Variants in ARB2A observed in about 807,000 individuals in gnomAD.
ARB2A encodes the protein cotranscriptional regulator ARB2A.
the ARB2A span, among the ~76,000 whole-genome samples, chr5:93,873,219 G>A: frequency 1.3e-5 from 2 of 150,816 alleles, no homozygotes; most frequent in Non-Finnish European, 2.9e-5. Flanking sequence ...TTGAGGCCAG[G>A]AGTTCTACAC....
chr5:93,744,445 A>T, the ARB2A span, among the ~76,000 whole-genome samples: 1 of 149,506 alleles, frequency 6.7e-6, no homozygotes, highest in African/African-American at 2.5e-5. Flanking sequence ...AAAAAAAAAA[A>T]AAAAAAAAAA....
the ARB2A span, among the ~76,000 whole-genome samples, chr5:93,956,966 C>T: frequency 7.0e-4 from 107 of 152,158 alleles, 1 homozygote; most frequent in Non-Finnish European, 1.2e-3. Flanking sequence ...AAAATTTTTA[C>T]GTGTGCTGCA....
At chr5:93,748,980 T>C in the ARB2A span, among the ~76,000 whole-genome samples, 2 of 152,158 alleles carry the variant, frequency 1.3e-5, no homozygotes, top group Non-Finnish European at 2.9e-5. Flanking sequence ...CTTTCAACAT[T>C]TTATCCTTTG....
At chr5:94,095,338 T>C in the ARB2A span, among the ~76,000 whole-genome samples, 1 of 152,318 alleles carries the variant, frequency 6.6e-6, no homozygotes, top group Admixed American at 6.5e-5. Context: ...GGCAAGATTA[T>C]GTTTTTTACT....
the ARB2A span, chr5:93,881,672 A>G: frequency 2.6e-6 from 4 of 1,568,084 alleles, no homozygotes; most frequent in Non-Finnish European, 3.5e-6. Context: ...ATTTAGTACT[A>G]TTACTCCATA....
chr5:93,871,508 T>C, the ARB2A span, among the ~76,000 whole-genome samples: 1 of 152,188 alleles, frequency 6.6e-6, no homozygotes, highest in Non-Finnish European at 1.5e-5. Flanking sequence ...GCTATTAAAA[T>C]AGACCTTTCT....
the ARB2A span, among the ~76,000 whole-genome samples, chr5:93,977,971 A>G: frequency 6.6e-6 from 1 of 152,148 alleles, no homozygotes; most frequent in Non-Finnish European, 1.5e-5. Context: ...ACGTTTGAAC[A>G]GTTCTCAAAA....
chr5:93,990,620 TAAAAAAAAAAAAA>T, the ARB2A span, among the ~76,000 whole-genome samples: 4 of 75,250 alleles, frequency 5.3e-5, no homozygotes, highest in Non-Finnish European at 6.9e-5. Flanking sequence ...CTACCATGAG[TAAAAAAAAAAAAA>T]AAAAAAAAAA....
the ARB2A span, among the ~76,000 whole-genome samples, chr5:93,990,933 A>G: frequency 2.6e-5 from 4 of 152,126 alleles, no homozygotes; most frequent in Non-Finnish European, 5.9e-5. Context: ...TGCTACATTG[A>G]GAAGAGTCAG....
At chr5:93,738,022 G>A in the ARB2A span, 11 of 391,948 alleles carry the variant, frequency 2.8e-5, no homozygotes, top group Non-Finnish European at 5.0e-5. Flanking sequence ...AGTCAAAAGA[G>A]TAAAAGGACA....
the ARB2A span, among the ~76,000 whole-genome samples, chr5:93,654,488 G>A: frequency 4.6e-5 from 7 of 152,116 alleles, no homozygotes; most frequent in Admixed American, 4.6e-4. Context: ...ACTTCAGAAT[G>A]CCTAGTTGTG....
chr5:93,992,913 CA>C, the ARB2A span, among the ~76,000 whole-genome samples: 2 of 151,800 alleles, frequency 1.3e-5, no homozygotes, highest in South Asian at 2.1e-4. Flanking sequence ...CAAGACATTT[CA>C]AAAATAGATT....
the ARB2A span, among the ~76,000 whole-genome samples, chr5:93,646,744 G>A: frequency 6.6e-6 from 1 of 151,726 alleles, no homozygotes; most frequent in African/African-American, 2.4e-5. Context: ...TGATTCGAAT[G>A]TTTCAGACTG....
chr5:93,990,691 G>A, the ARB2A span, among the ~76,000 whole-genome samples: 3 of 144,164 alleles, frequency 2.1e-5, no homozygotes, highest in African/African-American at 7.7e-5. Flanking sequence ...AGTCATAATA[G>A]AGTTACTAGT....
the ARB2A span, chr5:93,736,824 T>C: frequency 6.6e-6 from 1 of 152,164 alleles, no homozygotes; most frequent in Non-Finnish European, 1.5e-5. Context: ...AGAGTACGTA[T>C]GAAAAAGCCA....
At chr5:93,900,515 G>T in the ARB2A span, among the ~76,000 whole-genome samples, 1 of 151,558 alleles carries the variant, frequency 6.6e-6, no homozygotes. Flanking sequence ...GGAGGCTGAG[G>T]CTTAAAGAGA....
the ARB2A span, among the ~76,000 whole-genome samples, chr5:93,873,247 T>G: frequency 6.8e-6 from 1 of 147,260 alleles, no homozygotes. Flanking sequence ...AGTTATGATG[T>G]CATCACTGCA....
At chr5:93,891,737 G>C in the ARB2A span, among the ~76,000 whole-genome samples, 5 of 152,182 alleles carry the variant, frequency 3.3e-5, no homozygotes, top group Admixed American at 3.3e-4. Context: ...AGACCTCCAA[G>C]AGACTTGTAT....
At chr5:93,898,448 C>G in the ARB2A span, among the ~76,000 whole-genome samples, 1 of 151,944 alleles carries the variant, frequency 6.6e-6, no homozygotes, top group Non-Finnish European at 1.5e-5. Flanking sequence ...TGTACTCTTA[C>G]CCCTATTCTC....
Sources: allele counts gnomAD v4.1 joint callset (sites outside exome capture counted in the v4.1 genomes callset), GRCh38; gene constraint gnomAD v4.1.1; transcripts MANE v1.5; gene names NCBI Gene and HGNC (gene_info 2026-07-23, HGNC 2026-07-21).